The following KLF11 variants were observed in gnomAD, a reference collection of about 807,000 sequenced individuals.
The protein encoded by KLF11 is Krueppel-like factor 11.
A neutral mutation model predicts 29.9 loss-of-function variants in KLF11; 26 were observed. The observed-to-expected ratio is 0.87, with a 90% CI of 0.64 to 1.21. The LOEUF (loss-of-function observed/expected upper bound fraction) is 1.21. Among genes scored for constraint, KLF11 ranks in the 50% most tolerant of loss-of-function variants. The pLI is 0.00. For missense variants in KLF11, 778 were observed against 665.7 expected, an observed-to-expected ratio of 1.17 and a Z score of -1.86; for synonymous variants, 318 against 257.4, an observed-to-expected ratio of 1.24 and a Z score of -2.25.
At chr2:10,045,409 A>C (rs540319025) in intron 1 of KLF11, among the ~76,000 whole-genome samples, 1 of 148,582 alleles carries the variant, frequency 6.7e-6, no homozygotes, top group Non-Finnish European at 1.5e-5. Context: ...AAAATACAAA[A>C]ATTACCCAAG....
At chr2:10,043,961 AGGAGGGGGCGT>A (rs1661081582) in intron 1 of KLF11, 1 of 923,402 alleles carries the variant, frequency 1.1e-6, no homozygotes, top group Non-Finnish European at 1.3e-6. Context: ...GGCGGGGGCG[AGGAGGGGGCGT>A]GTTCCCCGCG....
Position 10,043,761 on chromosome 2 carries a change from G to T in KLF11, c.42+3G>T. 1 of 1,378,528 alleles carries T rather than the reference G, an allele frequency of 7.3e-7. No individual in the cohort carries two copies. Among genetic ancestry groups the T allele is most frequent in the Non-Finnish European group, 9.5e-7 (1 of 1,049,498 alleles). 85.4% of individuals were successfully genotyped at this position (1,378,528 alleles called of 1,614,324 possible). ...CAGGCCCAGACGACGCGCGCGCAGT[G>T]AGTGGTGGGGCTGCCGCGGCGGGAC... On this transcript the variant is annotated splice_donor_region_variant and intron_variant, in intron 1 of 3. Transcript: ENST00000305883.
At position 10,048,564 on chromosome 2, in the gene KLF11, C is replaced by T; in HGVS notation, c.1227C>T (p.Ser409=). 6.2e-7 allele frequency: 1 copy of T among 1,606,552 alleles called. No homozygotes were observed. Among genetic ancestry groups the T allele is most frequent in the Non-Finnish European group, 8.5e-7 (1 of 1,179,948 alleles). Reference sequence around the variant, plus strand: ...GCCGGAAGACCTACTTCAAAAGTTCCCACCTTAAGGCCCATCTTCGCACTC... The same window carrying T: ...GCCGGAAGACCTACTTCAAAAGTTCTCACCTTAAGGCCCATCTTCGCACTC... ...PGCRKTYFKS[S]HLKAHLRTHT... is the part of the protein sequence containing the mutation. Residue 409 remains serine (S), a synonymous_variant, in exon 3 of 4, where the codon TCC becomes TCT. Transcript: ENST00000305883.
chr2:10,044,207 C>T, intron 1 of KLF11: 1 of 903,126 alleles, frequency 1.1e-6, no homozygotes, highest in Non-Finnish European at 1.3e-6. Context: ...GAGCGGCTAG[C>T]GGTAGTGCCG....
In KLF11 at chr2:10,052,989, C is replaced by T; in HGVS notation, c.*482C>T. On this transcript the variant is annotated 3_prime_UTR_variant, in exon 4 of 4. Coordinates refer to ENST00000305883, the MANE Select transcript of KLF11 (RefSeq NM_003597.5). ...AACAAAGTTTTTCCTAATGGCCCTT[C>T]TTTTAGTAAACTGGACATGTTATTC... 2.7e-6 allele frequency: 1 copy of T among 373,610 alleles called. No homozygotes were observed. Among genetic ancestry groups the T allele is most frequent in the African/African-American group, 2.1e-5 (1 of 48,200 alleles). The allele number at this position is 373,610 out of a possible 1,614,324, so 23.1% of individuals were successfully genotyped here.
In KLF11 at chr2:10,044,148, AACGCGGCACGGTTTTGGGGGCGGGGC is replaced by A. The variant is rs1454070643; in HGVS notation, c.42+398_42+423del. The A allele has an allele frequency of 1.7e-3, 253 of 151,604 alleles. No individual in the cohort carries two copies. The African/African-American group carries it at 0.018, about 11-fold the overall frequency. 9.4% of individuals were successfully genotyped at this position (151,604 alleles called of 1,614,324 possible). On this transcript the variant is annotated intron_variant, in intron 1 of 3. Coordinates refer to ENST00000305883, the MANE Select transcript of KLF11 (RefSeq NM_003597.5). ...GGGCGGGGCAAGAGCTGCTGGCGGG[AACGCGGCACGGTTTTGGGGGCGGGGC>A]ACGCGGCCGTCGGGCGGGTTAAGAG...
At chr2:10,051,509 A>T (rs1027673752) in intron 3 of KLF11, among the ~76,000 whole-genome samples, 1 of 151,232 alleles carries the variant, frequency 6.6e-6, no homozygotes, top group Non-Finnish European at 1.5e-5. Flanking sequence ...GCCCAGCTGG[A>T]TGCTACATTT....
chr2:10,051,898 T>G (rs1178704032), intron 3 of KLF11, among the ~76,000 whole-genome samples: 4 of 152,216 alleles, frequency 2.6e-5, no homozygotes, highest in Non-Finnish European at 4.4e-5. Context: ...AGTCTGGAAC[T>G]CCTGTGCTCA....
rs1661494888 is a variant in KLF11, at chr2:10,054,398, G to C, written c.*1891G>C. 6.6e-6 allele frequency: 1 copy of C among 152,384 alleles called. No individual in the cohort carries two copies. The highest frequency in any genetic ancestry group is 1.5e-5 in the Non-Finnish European group (1 of 68,052). 9.4% of individuals were successfully genotyped at this position (152,384 alleles called of 1,614,324 possible). A position where few individuals can be genotyped will look rare whatever the true frequency, so the allele number is the denominator to read the frequency against. ...TGCTTGTCACAACATTCTCCAAGCAGTGATATTTCTAAAGAGGAGATACAT... is the reference window on the plus strand; with the variant it reads ...TGCTTGTCACAACATTCTCCAAGCACTGATATTTCTAAAGAGGAGATACAT... On this transcript the variant is annotated 3_prime_UTR_variant, in exon 4 of 4. Transcript: ENST00000305883.
rs551968251 is a variant in KLF11, at chr2:10,051,032, G to A, written c.1259-1195G>A. ...TTCTCCTCTCCTGCCTCAGCCTCCCGAGTAGCTGGGATTACAGGTGCCAGC... is the reference window on the plus strand; with the variant it reads ...TTCTCCTCTCCTGCCTCAGCCTCCCAAGTAGCTGGGATTACAGGTGCCAGC... On this transcript the variant is annotated intron_variant, in intron 3 of 3. Transcript: ENST00000305883. Among the ~76,000 whole-genome samples, 4 of 145,620 alleles carry A rather than the reference G, an allele frequency of 2.7e-5. No individual in the cohort carries two copies. In the Admixed American group the frequency reaches 2.8e-4, roughly 10 times the overall value.
intron 3 of KLF11, among the ~76,000 whole-genome samples, chr2:10,050,222 C>T (rs540558352): frequency 2.6e-5 from 4 of 152,262 alleles, no homozygotes; most frequent in African/African-American, 9.6e-5. Context: ...GCCTGGCCAA[C>T]ATGGTGAAAC....
At chr2:10,044,435 C>T (rs1404769589) in intron 1 of KLF11, 1 of 985,462 alleles carries the variant, frequency 1.0e-6, no homozygotes, top group Non-Finnish European at 1.2e-6. Flanking sequence ...CCGGGCGAGC[C>T]CCTTCCCGCC....
rs932201120 is a variant in KLF11 at position 10,053,285 on chromosome 2, A to G, written c.*778A>G. On this transcript the variant is annotated 3_prime_UTR_variant, in exon 4 of 4. Transcript: ENST00000305883. ...GATCCCAGGGACCAGTACTTGCTGC[A>G]GGATCTAGTCTGTAATAGTCTTGGC... is the stretch of plus-strand genomic sequence containing the variant. The G allele has an allele frequency of 2.5e-6, 1 of 398,558 alleles. No homozygotes were observed. The highest frequency in any genetic ancestry group is 4.4e-6 in the Non-Finnish European group (1 of 226,096). 24.7% of individuals were successfully genotyped at this position (398,558 alleles called of 1,614,324 possible).
chr2:10,043,961 AG>A, intron 1 of KLF11: 1 of 923,510 alleles, frequency 1.1e-6, no homozygotes. Flanking sequence ...GGCGGGGGCG[AG>A]GAGGGGGCGT....
In KLF11 at chr2:10,048,356, T is replaced by A. The variant is rs755137757; in HGVS notation, c.1019T>A (p.Met340Lys). The A allele has an allele frequency of 6.2e-7, 1 of 1,609,788 alleles. No individual in the cohort carries two copies. The highest frequency in any genetic ancestry group is 8.5e-7 in the Non-Finnish European group (1 of 1,177,006). The part of the protein sequence containing the change: ...VGPAVPQGAV[M>K]LVLPQGALPP... The stretch of plus-strand genomic sequence containing the variant: ...CCTGCTGTGCCTCAGGGAGCTGTGA[T>A]GTTGGTCCTGCCCCAGGGAGCCCTC... Residue 340 changes from methionine (M) to lysine (K), a missense_variant, in exon 3 of 4, where the codon ATG becomes AAG. By Grantham distance (95) the Met-to-Lys change is moderately conservative (BLOSUM62 -1). Coordinates refer to ENST00000305883, the MANE Select transcript of KLF11 (RefSeq NM_003597.5).
In KLF11 at chr2:10,043,601, C is replaced by T. The variant is rs1661058166; in HGVS notation, c.-116C>T. ...CCGCGCGGGCGGGCGAGGCGCGTGCCGGCCGCAGGAGCTCCGGGTTGCCGC... is the reference window on the plus strand; with the variant it reads ...CCGCGCGGGCGGGCGAGGCGCGTGCTGGCCGCAGGAGCTCCGGGTTGCCGC... On this transcript the variant is annotated 5_prime_UTR_variant, in exon 1 of 4. Transcript: ENST00000305883. 1 of 665,130 alleles carries T rather than the reference C, an allele frequency of 1.5e-6. No individual in the cohort carries two copies. Among genetic ancestry groups the T allele is most frequent in the South Asian group, 6.4e-5 (1 of 15,644 alleles). 41.2% of individuals were successfully genotyped at this position (665,130 alleles called of 1,614,324 possible).
chr2:10,043,787 T>G, intron 1 of KLF11, 29 bp downstream of exon 1: 1 of 1,356,728 alleles, frequency 7.4e-7, no homozygotes, highest in Non-Finnish European at 9.6e-7. Context: ...GCGGCGGGAC[T>G]ACTCGTCTGA....
intron 3 of KLF11, among the ~76,000 whole-genome samples, chr2:10,049,316 G>T (rs939082713): frequency 1.3e-5 from 2 of 152,250 alleles, no homozygotes; most frequent in Admixed American, 6.5e-5. Context: ...TGGCTGCCCT[G>T]CTGCGCAGCA....
chr2:10,043,716 G>C lies in KLF11; in HGVS notation c.-1G>C. ...TTTGTTGCTCCCGGCCGGCCTGCAC[G>C]ATGCACACGCCGGACTTCGCAGGCC... On this transcript the variant is annotated 5_prime_UTR_variant, in exon 1 of 4. Transcript: ENST00000305883. 2 of 1,355,780 alleles carry C rather than the reference G, an allele frequency of 1.5e-6. No homozygotes were observed. The highest frequency in any genetic ancestry group is 1.9e-6 in the Non-Finnish European group (2 of 1,038,056). The allele number at this position is 1,355,780 out of a possible 1,614,324, so 84.0% of individuals were successfully genotyped here.
Sources: gnomAD v4.1 joint callset for allele counts (sites outside exome capture counted in the v4.1 genomes callset) on GRCh38, gnomAD v4.1.1 for gene constraint, MANE v1.5 for transcripts, NCBI Gene and HGNC (gene_info 2026-07-23, HGNC 2026-07-21) for gene names.